Variants in TNRC18 observed in about 807,000 individuals in gnomAD.
TNRC18 encodes the protein trinucleotide repeat containing 18, also known as trinucleotide repeat-containing gene 18 protein.
A neutral mutation model predicts 226.7 loss-of-function variants in TNRC18; 69 were observed. The observed-to-expected ratio is 0.30, with a 90% CI of 0.25 to 0.37. The LOEUF (loss-of-function observed/expected upper bound fraction) is 0.37, where lower values mean the gene tolerates loss of function less well. Ranked by LOEUF, TNRC18 falls within the 10% of genes least tolerant of loss-of-function variation. The pLI is 1.00. For synonymous variants in TNRC18, 2,449 were observed against 1,927.6 expected (o/e 1.27, Z -7.09); for missense variants, 4,754 against 4,256.6 (o/e 1.12, Z -3.25).
intron 17 of TNRC18, among the ~76,000 whole-genome samples, chr7:5,348,277 A>T (rs1791414295): frequency 6.6e-6 from 1 of 152,220 alleles, no homozygotes; most frequent in South Asian, 2.1e-4. Flanking sequence ...AGCAGGTGAC[A>T]GGGGTGCCCA....
chr7:5,405,636 G>A (rs188475614), intron 2 of TNRC18, among the ~76,000 whole-genome samples: 165 of 151,882 alleles, frequency 1.1e-3, no homozygotes, highest in Non-Finnish European at 2.1e-3. Flanking sequence ...CCAGCTACGC[G>A]GGAGGTTGAG....
chr7:5,352,653 T>A (rs960669736), intron 16 of TNRC18, among the ~76,000 whole-genome samples: 24 of 152,266 alleles, frequency 1.6e-4, no homozygotes, highest in African/African-American at 5.8e-4. Context: ...CCCTTGCCCT[T>A]CTTTCTACGA....
At chr7:5,345,884 C>G in intron 17 of TNRC18, 74 bp from the exon 18 acceptor site, 1 of 1,480,334 alleles carries the variant, frequency 6.8e-7, no homozygotes, top group Non-Finnish European at 9.0e-7. Context: ...CCCCCTGGCC[C>G]AGAGTGGCCT....
intron 11 of TNRC18, among the ~76,000 whole-genome samples, chr7:5,364,845 G>A (rs1793460349): frequency 6.7e-6 from 1 of 148,510 alleles, no homozygotes; most frequent in Non-Finnish European, 1.5e-5. Context: ...AGTACATACT[G>A]TATCACATTT....
intron 2 of TNRC18, chr7:5,419,972 C>T (rs922823577): frequency 9.1e-5 from 15 of 164,856 alleles, no homozygotes; most frequent in Non-Finnish European, 1.6e-4. Context: ...GCAATTCGAA[C>T]AGGAGGTGGA....
chr7:5,410,837 G>C (rs1464256677), intron 2 of TNRC18, among the ~76,000 whole-genome samples: 1 of 116,818 alleles, frequency 8.6e-6, no homozygotes, highest in Non-Finnish European at 1.6e-5. Context: ...ATCCAGTCTG[G>C]ACAACAGAGT....
At position 5,345,695 on chromosome 7, in the gene TNRC18, C is replaced by T. The variant is rs1403659961; in HGVS notation, c.5586G>A (p.Glu1862=). 10 of 1,549,400 alleles carry T rather than the reference C, an allele frequency of 6.5e-6. No individual in the cohort carries two copies. In the East Asian group the frequency reaches 2.4e-4, roughly 38 times the overall value. The change falls in exon 18 of 30, where the codon GAG becomes GAA. Residue 1862 remains glutamate (E), a synonymous_variant. Transcript: ENST00000430969. ...AGCGTGCCAGCAGGCCCAGCCCACT[C>T]TCCTCCAGGCCCGGTGACAGGGCCC... ...RERALSPGLE[E]SGLGLLARFA... is the part of the protein sequence containing the mutation.
chr7:5,314,563 C>CTTTT (rs67183154), intron 26 of TNRC18, among the ~76,000 whole-genome samples: 14 of 79,692 alleles, frequency 1.8e-4, no homozygotes, highest in Non-Finnish European at 2.8e-4. Flanking sequence ...GAGTTCTCTT[C>CTTTT]TTTTTTTTTT....
At position 5,388,632 on chromosome 7, in the gene TNRC18, G is replaced by A. The variant is rs952298127; in HGVS notation, c.1192C>T (p.Arg398Trp). The A allele has an allele frequency of 4.7e-6, 6 of 1,278,186 alleles. No homozygotes were observed. The highest frequency in any genetic ancestry group is 1.6e-5 in the African/African-American group (1 of 62,754). The allele number at this position is 1,278,186 out of a possible 1,614,324, so 79.2% of individuals were successfully genotyped here. A position where few individuals can be genotyped will look rare whatever the true frequency, so the allele number is the denominator to read the frequency against. The change falls in exon 5 of 30, where the codon CGG (arginine) becomes TGG (tryptophan). Residue 398 changes from arginine to tryptophan, a missense_variant. Transcript: ENST00000430969. ...IQIASQARDARAREREAGRPG... is the reference protein window; with the variant it reads ...IQIASQARDAWAREREAGRPG... ...CTGCCAGCCTCGCGCTCGCGGGCCC[G>A]GGCATCGCGCGCCTGGGATGCGATC...
chr7:5,370,602 A>G lies in TNRC18; in HGVS notation c.3992T>C (p.Phe1331Ser). The G allele has an allele frequency of 6.2e-7, 1 of 1,613,378 alleles. No individual in the cohort carries two copies. The highest frequency in any genetic ancestry group is 8.5e-7 in the Non-Finnish European group (1 of 1,179,782). The change falls in exon 11 of 30, where the codon TTC becomes TCC. Residue 1331 changes from phenylalanine to serine, a missense_variant. By Grantham distance (155) the Phe-to-Ser change is radical. Transcript: ENST00000430969. ...CAGTGGGTCCTCCAGACTGGGCAGG[A>G]ACTGGTCAGAGCTTGCCTCTTCCAG... is the stretch of plus-strand genomic sequence containing the variant. ...CFLEEASSDQ[F>S]LPSLEDPLAG... is the part of the protein sequence containing the mutation.
intron 2 of TNRC18, among the ~76,000 whole-genome samples, chr7:5,408,298 C>CAAAA (rs55756995): frequency 0.014 from 1,001 of 72,416 alleles, 17 homozygotes; most frequent in African/African-American, 0.049. Context: ...ACTTCCGTCT[C>CAAAA]AAAAAAAAAA....
intron 9 of TNRC18, 24 bp from the exon 10 acceptor site, chr7:5,374,508 G>T (rs1002593822): frequency 2.0e-6 from 3 of 1,535,752 alleles, no homozygotes; most frequent in Non-Finnish European, 1.8e-6. Flanking sequence ...GGCAGGCAGG[G>T]TCAGCACGGC....
In TNRC18 at chr7:5,388,110, T is replaced by C. The variant is rs1180897235; in HGVS notation, c.1714A>G (p.Met572Val). 1 of 1,553,626 alleles carries C rather than the reference T, an allele frequency of 6.4e-7. No individual in the cohort carries two copies. Among genetic ancestry groups the C allele is most frequent in the Admixed American group, 1.9e-5 (1 of 51,326 alleles). Residue 572 changes from methionine to valine, a missense_variant, in exon 5 of 30, where the codon ATG becomes GTG. Transcript: ENST00000430969. Reference protein sequence around the residue: ...AATCGRPVADMHSAAHGSGEA... With the variant: ...AATCGRPVADVHSAAHGSGEA... ...CCAGACCCGTGGGCCGCAGAGTGCA[T>C]GTCAGCGACCGGCCGGCCGCAGGTG...
At chr7:5,330,601 C>T (rs1390271034) in intron 19 of TNRC18, among the ~76,000 whole-genome samples, 3 of 152,046 alleles carry the variant, frequency 2.0e-5, no homozygotes, top group Non-Finnish European at 4.4e-5. Flanking sequence ...CCACTTCACA[C>T]AGTCCTGCAT....
At chr7:5,316,982 C>A (rs1185197281) in intron 24 of TNRC18, among the ~76,000 whole-genome samples, 2 of 152,104 alleles carry the variant, frequency 1.3e-5, no homozygotes, top group Non-Finnish European at 2.9e-5. Flanking sequence ...AGGCTCCAGA[C>A]TGAAAGACAC....
chr7:5,360,203 TTTTATTTATTTA>T (rs373223281), intron 14 of TNRC18, among the ~76,000 whole-genome samples: 6,816 of 151,196 alleles, frequency 0.045, 210 homozygotes, highest in Non-Finnish European at 0.07. Context: ...TGCTGCTGTA[TTTTATTTATTTA>T]TTTATTTATT....
chr7:5,408,959 C>G (rs985085167), intron 2 of TNRC18, among the ~76,000 whole-genome samples: 1 of 152,166 alleles, frequency 6.6e-6, no homozygotes, highest in African/African-American at 2.4e-5. Flanking sequence ...AATCAGAGTG[C>G]GAATCATCAA....
intron 8 of TNRC18, 123 bp from the exon 9 acceptor site, chr7:5,376,347 G>A (rs1034487013): frequency 5.7e-5 from 53 of 922,730 alleles, no homozygotes; most frequent in South Asian, 2.4e-4. Context: ...GGCTCTCTGC[G>A]GGCCCCCGGC....
chr7:5,308,486 CGA>C lies in TNRC18; in HGVS notation c.8701-176_8701-175del, dbSNP rs1039447553. On this transcript the variant is annotated intron_variant, in intron 29 of 29. Coordinates refer to ENST00000430969, the MANE Select transcript of TNRC18 (RefSeq NM_001080495.3). ...AGACCAACAAAAGAGAGACAGAGAC[CGA>C]GAGATGGAGAGCAAATGAGAGACAA... Among the ~76,000 whole-genome samples the C allele has an allele frequency of 3.3e-5, 5 of 151,772 alleles. No homozygotes were observed. In the South Asian group the frequency reaches 8.4e-4, roughly 25 times the overall value.
Sources: gnomAD v4.1 joint callset for allele counts (sites outside exome capture counted in the v4.1 genomes callset) on GRCh38, gnomAD v4.1.1 for gene constraint, MANE v1.5 for transcripts, NCBI Gene and HGNC (gene_info 2026-07-23, HGNC 2026-07-21) for gene names.